MOB3B: variants seen among roughly 807,000 people sequenced by gnomAD.
The protein encoded by MOB3B is MOB kinase activator-like 2B.
Under a neutral mutation model 18.7 loss-of-function variants are expected in MOB3B, and 7 were observed. The observed-to-expected ratio is 0.37, with a 90% CI of 0.21 to 0.70. The LOEUF (loss-of-function observed/expected upper bound fraction) is 0.70. Ranked by LOEUF, MOB3B falls within the 30% of genes least tolerant of loss-of-function variation. The pLI, the probability that MOB3B is intolerant of heterozygous loss-of-function variation, is 0.52. For synonymous variants in MOB3B, 111 were observed against 99.9 expected (o/e 1.11, Z -0.66); for missense variants, 253 against 281.3 (o/e 0.90, Z 0.72).
intron 1 of MOB3B, among the ~76,000 whole-genome samples, chr9:27,480,490 C>T (rs1390351693): frequency 6.6e-6 from 1 of 152,068 alleles, no homozygotes; most frequent in Non-Finnish European, 1.5e-5. Flanking sequence ...TTAGTAGAGA[C>T]GGGGTTTCAC....
chr9:27,527,516 G>A (rs1035911210), intron 1 of MOB3B, among the ~76,000 whole-genome samples: 4 of 152,188 alleles, frequency 2.6e-5, no homozygotes, highest in African/African-American at 7.2e-5. Context: ...TGTTGAGTTC[G>A]CAAAGGGAAA....
At chr9:27,528,311 C>T (rs1438709208) in intron 1 of MOB3B, among the ~76,000 whole-genome samples, 1 of 152,248 alleles carries the variant, frequency 6.6e-6, no homozygotes, top group Non-Finnish European at 1.5e-5. Flanking sequence ...GCGGCCCAGC[C>T]CCAACGCCTT....
chr9:27,482,539 T>C (rs111863826), intron 1 of MOB3B, among the ~76,000 whole-genome samples: 64 of 152,344 alleles, frequency 4.2e-4, no homozygotes, highest in African/African-American at 1.5e-3. Flanking sequence ...TTCTTCCCCA[T>C]AGACCTTACT....
intron 1 of MOB3B, among the ~76,000 whole-genome samples, chr9:27,498,558 C>T (rs1319725733): frequency 1.3e-5 from 2 of 152,190 alleles, no homozygotes; most frequent in Non-Finnish European, 2.9e-5. Flanking sequence ...TAGCAGTACC[C>T]TAGGTTTTGT....
At chr9:27,336,987 T>C (rs10757653) in intron 3 of MOB3B, among the ~76,000 whole-genome samples, 86,461 of 152,170 alleles carry the variant, frequency 0.57, 24,841 homozygotes, top group Middle Eastern at 0.68. Context: ...AGTGCCTCCC[T>C]GCCCATTAAT....
chr9:27,357,886 T>TCCAAAAAAAA (rs1563849115), intron 3 of MOB3B, among the ~76,000 whole-genome samples: 1 of 25,316 alleles, frequency 4.0e-5, no homozygotes, highest in African/African-American at 1.5e-4. Context: ...ATCCCATCGC[T>TCCAAAAAAAA]ACAAAAAAAA....
In MOB3B at chr9:27,455,473, C is replaced by T; in HGVS notation, c.78G>A (p.Gln26=). The change falls in exon 2 of 4, where the codon CAG becomes CAA. Residue 26 remains glutamine (Q), a synonymous_variant. Transcript: ENST00000262244. ...RPKRKFEPGT[Q]RFELHKRAQA... ...GAGCCCGTTTGTGCAGCTCAAACCT[C>T]TGTGTGCCAGGTTCAAATTTCCTCT... is the stretch of plus-strand genomic sequence containing the variant. 1.2e-6 allele frequency: 2 copies of T among 1,614,236 alleles called. No individual in the cohort carries two copies. The highest frequency in any genetic ancestry group is 1.7e-6 in the Non-Finnish European group (2 of 1,180,048).
intron 2 of MOB3B, among the ~76,000 whole-genome samples, chr9:27,369,782 CCTGA>C (rs1353863492): frequency 2.0e-5 from 3 of 152,184 alleles, no homozygotes; most frequent in Non-Finnish European, 4.4e-5. Flanking sequence ...CTCCATTTCG[CCTGA>C]CTAACTCCCA....
At chr9:27,496,233 T>C (rs1168161033) in intron 1 of MOB3B, among the ~76,000 whole-genome samples, 1 of 152,226 alleles carries the variant, frequency 6.6e-6, no homozygotes, top group Non-Finnish European at 1.5e-5. Flanking sequence ...CAAGTGGAGA[T>C]TAAGTTTGCC....
chr9:27,425,201 C>T (rs1822308624), intron 2 of MOB3B, among the ~76,000 whole-genome samples: 1 of 151,930 alleles, frequency 6.6e-6, no homozygotes, highest in Admixed American at 6.6e-5. Flanking sequence ...CATGGAGAAA[C>T]CCTGTGTCTA....
intron 1 of MOB3B, among the ~76,000 whole-genome samples, chr9:27,517,725 A>C (rs1265903400): frequency 2.6e-5 from 4 of 151,808 alleles, no homozygotes; most frequent in African/African-American, 9.7e-5. Context: ...AAATATACTC[A>C]TAAGATAAAA....
chr9:27,454,639 C>T (rs893655326), intron 2 of MOB3B, among the ~76,000 whole-genome samples: 1 of 152,166 alleles, frequency 6.6e-6, no homozygotes, highest in Non-Finnish European at 1.5e-5. Flanking sequence ...AATTAACAAC[C>T]TATGATTAGA....
chr9:27,382,691 T>A (rs371217272), intron 2 of MOB3B, among the ~76,000 whole-genome samples: 2 of 144,652 alleles, frequency 1.4e-5, no homozygotes, highest in South Asian at 4.7e-4. Flanking sequence ...GATATGCCTC[T>A]CTGGTGTGAA....
chr9:27,341,691 C>T (rs1174584164), intron 3 of MOB3B, among the ~76,000 whole-genome samples: 1 of 152,156 alleles, frequency 6.6e-6, no homozygotes, highest in Non-Finnish European at 1.5e-5. Context: ...CCACTTTGTG[C>T]CCGACTCTGT....
chr9:27,378,834 G>C (rs1006819304), intron 2 of MOB3B: 16 of 378,690 alleles, frequency 4.2e-5, no homozygotes, highest in African/African-American at 3.0e-4. Flanking sequence ...AGGTCATTTG[G>C]AAGAGGAAAG....
intron 1 of MOB3B, among the ~76,000 whole-genome samples, chr9:27,462,870 G>A (rs1819315492): frequency 6.6e-6 from 1 of 152,146 alleles, no homozygotes; most frequent in Non-Finnish European, 1.5e-5. Flanking sequence ...CACAAAATGG[G>A]CAAGAAGACT....
chr9:27,383,193 T>A (rs1821604390), intron 2 of MOB3B, among the ~76,000 whole-genome samples: 1 of 152,158 alleles, frequency 6.6e-6, no homozygotes, highest in African/African-American at 2.4e-5. Flanking sequence ...GCAACCTCTC[T>A]GTGCCTTGGA....
chr9:27,484,573 C>A (rs978235438), intron 1 of MOB3B, among the ~76,000 whole-genome samples: 1 of 152,122 alleles, frequency 6.6e-6, no homozygotes, highest in Non-Finnish European at 1.5e-5. Context: ...TAGCCTTCAA[C>A]CTTCGAGTCA....
intron 1 of MOB3B, among the ~76,000 whole-genome samples, chr9:27,523,964 G>C (rs949708297): frequency 1.3e-5 from 2 of 152,062 alleles, no homozygotes; most frequent in Non-Finnish European, 2.9e-5. Context: ...GAGTGAGTGA[G>C]TGAGTGAGTG....
Sources: allele counts gnomAD v4.1 joint callset (sites outside exome capture counted in the v4.1 genomes callset), GRCh38; gene constraint gnomAD v4.1.1; transcripts MANE v1.5; gene names NCBI Gene and HGNC (gene_info 2026-07-23, HGNC 2026-07-21).